APC: variants seen among roughly 807,000 people sequenced by gnomAD.
The protein encoded by APC is APC regulator of Wnt signaling pathway, also known as adenomatous polyposis coli protein.
In APC, 72 loss-of-function variants were observed where a neutral mutation model predicts 247.0. The observed-to-expected ratio is 0.29, with a 90% CI of 0.24 to 0.35. The LOEUF (loss-of-function observed/expected upper bound fraction) is 0.35, where lower values mean the gene tolerates loss of function less well. APC is among the 10% of genes least tolerant of loss of function. APC has a pLI of 1.00. For synonymous variants in APC, 1,254 were observed against 1,162.5 expected (o/e 1.08, Z -1.60); for missense variants, 3,400 against 3,360.7 (o/e 1.01, Z -0.29).
intron 2 of APC, among the ~76,000 whole-genome samples, chr5:112,766,070 A>T (rs1756269934): frequency 6.6e-6 from 1 of 152,194 alleles, no homozygotes; most frequent in Non-Finnish European, 1.5e-5. Flanking sequence ...TAGGTTTGAA[A>T]TAATGAATGT....
intron 1 of APC, among the ~76,000 whole-genome samples, chr5:112,743,139 C>T (rs1753238537): frequency 6.6e-6 from 1 of 152,156 alleles, no homozygotes; most frequent in Non-Finnish European, 1.5e-5. Context: ...CCTCTTTCTC[C>T]ATCTTCAGTG....
At position 112,708,711 on chromosome 5, in the gene APC, G is replaced by T. The variant is rs149256057; in HGVS notation, c.165+829G>T. Among the ~76,000 whole-genome samples, 338 of 152,284 alleles carry T rather than the reference G, an allele frequency of 2.2e-3. 3 individuals carry two copies. Among genetic ancestry groups the T allele is most frequent in the African/African-American group, 7.8e-3 (323 of 41,564 alleles). ...TGTACAAGCCCTTTGTTTCTATTTA[G>T]AAAGGACTAAAATGGAGAAAAGCTT... On this transcript the variant is annotated intron_variant, in intron 1 of 13. Transcript: ENST00000507379.
At chr5:112,757,782 A>G (rs1039167729) in intron 2 of APC, among the ~76,000 whole-genome samples, 11 of 152,206 alleles carry the variant, frequency 7.2e-5, no homozygotes, top group Non-Finnish European at 4.4e-5. Context: ...AGTACCATCT[A>G]GTGGCAAAAG....
At chr5:112,814,511 C>T (rs1331239015) in intron 8 of APC, among the ~76,000 whole-genome samples, 1 of 152,156 alleles carries the variant, frequency 6.6e-6, no homozygotes, top group Admixed American at 6.5e-5. Flanking sequence ...TTACTCAAGC[C>T]AGTTAATTTG....
intron 8 of APC, among the ~76,000 whole-genome samples, chr5:112,812,806 A>G (rs1466318239): frequency 6.6e-6 from 1 of 152,250 alleles, no homozygotes; most frequent in Non-Finnish European, 1.5e-5. Flanking sequence ...CTACCTGGAA[A>G]GTAGCAGGGG....
At chr5:112,808,743 C>G (rs1292346146) in intron 8 of APC, among the ~76,000 whole-genome samples, 1 of 152,108 alleles carries the variant, frequency 6.6e-6, no homozygotes, top group Non-Finnish European at 1.5e-5. Flanking sequence ...GTCCCATACT[C>G]TAGATTTTGC....
At position 112,765,546 on chromosome 5, in the gene APC, C is replaced by T. The variant is rs756863887; in HGVS notation, c.136-780C>T. On this transcript the variant is annotated intron_variant, in intron 2 of 15. Transcript: ENST00000257430. ...AACGTTCCATTTAGTTACAAAGTTG[C>T]AAATGTTCAAATATTTTGTCTTGCA... is the stretch of plus-strand genomic sequence containing the variant. 1.4e-4 allele frequency among the ~76,000 whole-genome samples: 21 copies of T among 152,126 alleles called. 1 individual carries two copies. The highest frequency in any genetic ancestry group is 5.9e-4 in the Admixed American group (9 of 15,268).
rs530522523 is a variant in APC at position 112,747,089 on chromosome 5, A to G, written c.-18-7784A>G. Among the ~76,000 whole-genome samples, 28 of 152,306 alleles carry G rather than the reference A, an allele frequency of 1.8e-4. No homozygotes were observed. In the South Asian group the frequency reaches 5.4e-3, roughly 29 times the overall value. On this transcript the variant is annotated intron_variant, in intron 1 of 15. Coordinates refer to ENST00000257430, the MANE Select transcript of APC (RefSeq NM_000038.6). ...AGTGATCCTCCAGCCCCAGCCTTCCAAAGTGCTTGGATTACAGGCATGAGC... is the reference window on the plus strand; with the variant it reads ...AGTGATCCTCCAGCCCCAGCCTTCCGAAGTGCTTGGATTACAGGCATGAGC...
At chr5:112,762,630 C>T (rs78760752) in intron 2 of APC, among the ~76,000 whole-genome samples, 6,172 of 152,218 alleles carry the variant, frequency 0.041, 373 homozygotes, top group African/African-American at 0.14. Flanking sequence ...ATATGAAGGT[C>T]AAGAGCATGC....
chr5:112,828,175 A>T (rs1419931260), intron 13 of APC, among the ~76,000 whole-genome samples, 169 bp downstream of exon 13: 2 of 152,148 alleles, frequency 1.3e-5, no homozygotes, highest in Non-Finnish European at 2.9e-5. Context: ...CTGGGCCTAC[A>T]GGTGCACACC....
At chr5:112,734,017 G>T (rs1159174394), upstream of APC, among the ~76,000 whole-genome samples, 2 of 152,198 alleles carry the variant, frequency 1.3e-5, no homozygotes, top group African/African-American at 2.4e-5. Flanking sequence ...GGTAAGTCTT[G>T]CCCGTAGAAG....
intron 6 of APC, among the ~76,000 whole-genome samples, chr5:112,783,077 T>G (rs1011589198): frequency 3.9e-5 from 6 of 152,210 alleles, no homozygotes; most frequent in Non-Finnish European, 7.3e-5. Context: ...TTAGTTTTTC[T>G]GTGTCTGTTA....
At chr5:112,780,238 TTATCTACTC>T (rs1240875187) in intron 5 of APC, among the ~76,000 whole-genome samples, 1 of 152,200 alleles carries the variant, frequency 6.6e-6, no homozygotes, top group African/African-American at 2.4e-5. Context: ...TGTGTTGACT[TTATCTACTC>T]TATTTATGAT....
Position 112,707,902 on chromosome 5 carries a change from T to C in APC, c.165+20T>C, listed in dbSNP as rs1191699028. 2.9e-6 allele frequency: 4 copies of C among 1,356,924 alleles called. No individual in the cohort carries two copies. In the Admixed American group the frequency reaches 8.9e-5, roughly 30 times the overall value. 84.1% of individuals were successfully genotyped at this position (1,356,924 alleles called of 1,614,324 possible). The stretch of plus-strand genomic sequence containing the variant: ...TGGCAGGTGAGTGAGGCTGCAGGCA[T>C]TGACGTCTCCTCCCGGCAAAGCTTC... On this transcript the variant is annotated intron_variant, in intron 1 of 13. Transcript: ENST00000507379.
chr5:112,791,411 G>A (rs1431874357), intron 6 of APC, among the ~76,000 whole-genome samples: 1 of 152,182 alleles, frequency 6.6e-6, no homozygotes, highest in Non-Finnish European at 1.5e-5. Context: ...TAAACCAGGG[G>A]TCCCCAGCCC....
At chr5:112,818,860 T>TTTTTTAGAG in intron 9 of APC, 106 bp from the exon 10 acceptor site, 2 of 1,208,106 alleles carry the variant, frequency 1.7e-6, no homozygotes, top group South Asian at 2.6e-5. Flanking sequence ...GGGGGGTTGT[T>TTTTTTAGAG]TTGTTTTTTT....
In APC at chr5:112,844,748, CTA is replaced by C. The variant is rs1314457915; in HGVS notation, c.*624_*625del. On this transcript the variant is annotated 3_prime_UTR_variant, in exon 16 of 16. Coordinates refer to ENST00000257430, the MANE Select transcript of APC (RefSeq NM_000038.6). ...GATAGCTACAGTGTAATAATTTACACTATTTTGTGCTCCAAACAAAACAAAAA... is the reference window on the plus strand; with the variant it reads ...GATAGCTACAGTGTAATAATTTACACTTTTGTGCTCCAAACAAAACAAAAA... 1 of 231,730 alleles carries C rather than the reference CTA, an allele frequency of 4.3e-6. No homozygotes were observed. Among genetic ancestry groups the C allele is most frequent in the Non-Finnish European group, 8.5e-6 (1 of 117,092 alleles). The allele number at this position is 231,730 out of a possible 1,614,324, so 14.4% of individuals were successfully genotyped here.
intron 8 of APC, among the ~76,000 whole-genome samples, chr5:112,813,219 G>A (rs1344092217): frequency 6.6e-6 from 1 of 152,160 alleles, no homozygotes; most frequent in Non-Finnish European, 1.5e-5. Flanking sequence ...CATTTTAAGT[G>A]TACAGTTGAA....
chr5:112,803,667 A>G (rs1761071229), intron 8 of APC, among the ~76,000 whole-genome samples: 3 of 152,230 alleles, frequency 2.0e-5, no homozygotes. Context: ...TTATCTTTAA[A>G]TTAACAAATA....
Sources: gnomAD v4.1 joint callset for allele counts (sites outside exome capture counted in the v4.1 genomes callset) on GRCh38, gnomAD v4.1.1 for gene constraint, MANE v1.5 for transcripts, NCBI Gene and HGNC (gene_info 2026-07-23, HGNC 2026-07-21) for gene names.